The following UEVLD variants were observed in gnomAD, a reference collection of about 807,000 sequenced individuals.
UEVLD encodes the protein ubiquitin-conjugating enzyme E2 variant 3.
UEVLD carries 47 observed loss-of-function variants against 58.6 expected under a neutral mutation model. That is an observed-to-expected ratio of 0.80 (90% CI 0.63 to 1.02). The LOEUF (loss-of-function observed/expected upper bound fraction) is 1.02. Among genes scored for constraint, UEVLD ranks in the 50% least tolerant of loss-of-function variants. The pLI, the probability that UEVLD is intolerant of heterozygous loss-of-function variation, is 0.00. For missense variants in UEVLD, 510 were observed against 550.6 expected, an observed-to-expected ratio of 0.93 and a Z score of 0.74; for synonymous variants, 197 against 195.3, an observed-to-expected ratio of 1.01 and a Z score of -0.07.
intron 8 of UEVLD, 139 bp downstream of exon 8, chr11:18,546,741 C>T (rs532440812): frequency 5.0e-5 from 43 of 865,718 alleles, no homozygotes; most frequent in South Asian, 2.2e-4. Flanking sequence ...TCAGGTGATC[C>T]GCCCGCCTCA....
At chr11:18,561,427 T>C (rs575537079) in intron 6 of UEVLD, among the ~76,000 whole-genome samples, 4 of 151,248 alleles carry the variant, frequency 2.6e-5, no homozygotes, top group African/African-American at 9.7e-5. Context: ...TGAAATCCCA[T>C]GTCAACTGAA....
chr11:18,561,008 C>CAA (rs5790040), intron 6 of UEVLD, among the ~76,000 whole-genome samples: 1 of 143,782 alleles, frequency 7.0e-6, no homozygotes, highest in Non-Finnish European at 1.5e-5. Flanking sequence ...GACTCCATCT[C>CAA]AAAAAAAAAA....
intron 5 of UEVLD, 75 bp from the exon 6 acceptor site, chr11:18,565,085 T>C (rs1221421808): frequency 2.7e-6 from 3 of 1,091,780 alleles, no homozygotes; most frequent in African/African-American, 1.6e-5. Flanking sequence ...AAAAAATATA[T>C]AGCAGGCTTC....
At chr11:18,584,488 T>G (rs1357406738) in intron 1 of UEVLD, among the ~76,000 whole-genome samples, 1 of 151,916 alleles carries the variant, frequency 6.6e-6, no homozygotes, top group Non-Finnish European at 1.5e-5. Flanking sequence ...TCTGCCATAA[T>G]GGAAATAATC....
At chr11:18,541,907 C>T (rs979064034) in intron 9 of UEVLD, among the ~76,000 whole-genome samples, 28 of 152,276 alleles carry the variant, frequency 1.8e-4, no homozygotes, top group African/African-American at 6.3e-4. Flanking sequence ...TAGGCTTCCA[C>T]GCAGGTCACT....
chr11:18,563,082 C>T (rs904967498), intron 6 of UEVLD, among the ~76,000 whole-genome samples: 16 of 144,788 alleles, frequency 1.1e-4, no homozygotes, highest in African/African-American at 4.1e-4. Flanking sequence ...TTCAGACTTT[C>T]AGATGCCTTC....
chr11:18,575,799 C>T (rs549193448), intron 2 of UEVLD, among the ~76,000 whole-genome samples: 1 of 152,146 alleles, frequency 6.6e-6, no homozygotes, highest in Non-Finnish European at 1.5e-5. Flanking sequence ...AATTTGAAAA[C>T]TTAAGAAGTA....
intron 4 of UEVLD, among the ~76,000 whole-genome samples, chr11:18,569,040 G>A (rs1038506600): frequency 5.3e-5 from 8 of 151,952 alleles, no homozygotes; most frequent in Non-Finnish European, 1.2e-4. Flanking sequence ...GACTACAGGC[G>A]CCCACCACCA....
chr11:18,556,163 A>AT (rs1204439411), intron 7 of UEVLD, among the ~76,000 whole-genome samples: 2 of 152,186 alleles, frequency 1.3e-5, no homozygotes, highest in African/African-American at 4.8e-5. Flanking sequence ...GGAAGAAACA[A>AT]TTTCTTCAGT....
chr11:18,575,436 C>T (rs1396330710), intron 2 of UEVLD, 24 bp from the exon 3 acceptor site: 1 of 1,570,622 alleles, frequency 6.4e-7, no homozygotes, highest in East Asian at 2.2e-5. Flanking sequence ...AAAAAAGCCC[C>T]AAAATGTGCA....
intron 8 of UEVLD, among the ~76,000 whole-genome samples, chr11:18,545,286 T>C (rs1443661973): frequency 6.6e-6 from 1 of 151,904 alleles, no homozygotes; most frequent in Admixed American, 6.6e-5. Flanking sequence ...TTGGCCAGGA[T>C]GGTCTCGATC....
chr11:18,562,613 C>A (rs1297043345), intron 6 of UEVLD, among the ~76,000 whole-genome samples: 2 of 151,962 alleles, frequency 1.3e-5, no homozygotes, highest in African/African-American at 4.8e-5. Flanking sequence ...GTCTCAAACT[C>A]CTGGGCTCAA....
At chr11:18,554,876 T>G (rs1049710485) in intron 7 of UEVLD, among the ~76,000 whole-genome samples, 1 of 152,228 alleles carries the variant, frequency 6.6e-6, no homozygotes, top group Non-Finnish European at 1.5e-5. Context: ...GTCATCTATG[T>G]GTGTTACAAT....
intron 2 of UEVLD, among the ~76,000 whole-genome samples, chr11:18,577,366 T>C (rs1483227868): frequency 1.3e-5 from 2 of 152,268 alleles, no homozygotes; most frequent in Non-Finnish European, 2.9e-5. Flanking sequence ...TTACCTTCTT[T>C]GGTTTCTCTA....
intron 4 of UEVLD, 45 bp downstream of exon 4, chr11:18,570,169 A>C: frequency 3.8e-6 from 1 of 263,232 alleles, no homozygotes; most frequent in East Asian, 1.0e-4. Flanking sequence ...ATAGGTATTT[A>C]AAAAAAAAAA....
At chr11:18,554,158 C>A (rs1417393210) in intron 7 of UEVLD, among the ~76,000 whole-genome samples, 5 of 152,140 alleles carry the variant, frequency 3.3e-5, no homozygotes, top group African/African-American at 4.8e-5. Flanking sequence ...ATGGCACGAT[C>A]TCGGCTCAAT....
In UEVLD at chr11:18,588,662, C is replaced by A. The variant is rs375555871; in HGVS notation, c.-8G>T. On this transcript the variant is annotated 5_prime_UTR_variant, in exon 1 of 12. Transcript: ENST00000396197. ...CTCGCAGTCGAACTCCATCTCCAGG[C>A]CGGTCCCGAGCTAGGTCCCAGGACT... The A allele has an allele frequency of 5.0e-6, 8 of 1,608,618 alleles. No homozygotes were observed. The highest frequency in any genetic ancestry group is 4.5e-5 in the East Asian group (2 of 44,862).
intron 7 of UEVLD, among the ~76,000 whole-genome samples, chr11:18,553,747 A>G (rs184185371): frequency 2.6e-5 from 4 of 152,340 alleles, no homozygotes; most frequent in Admixed American, 6.5e-5. Context: ...AAGTGACACA[A>G]AAGTCACATA....
chr11:18,584,535 C>T (rs1853439031), intron 1 of UEVLD, among the ~76,000 whole-genome samples: 1 of 152,184 alleles, frequency 6.6e-6, no homozygotes, highest in African/African-American at 2.4e-5. Flanking sequence ...CCACAAACCA[C>T]ATGTGGCTAC....
Sources: gnomAD v4.1 joint callset for allele counts (sites outside exome capture counted in the v4.1 genomes callset) on GRCh38, gnomAD v4.1.1 for gene constraint, MANE v1.5 for transcripts, NCBI Gene and HGNC (gene_info 2026-07-23, HGNC 2026-07-21) for gene names.